ITSN2: variants seen among roughly 807,000 people sequenced by gnomAD.
ITSN2 encodes intersectin-2.
ITSN2 carries 156 observed loss-of-function variants against 243.7 expected under a neutral mutation model. The observed-to-expected ratio is 0.64, with a 90% CI of 0.56 to 0.73. The LOEUF is 0.73. ITSN2 is among the 30% of genes least tolerant of loss of function. The pLI is 0.00. For synonymous variants in ITSN2, 703 were observed against 699.9 expected (o/e 1.00, Z -0.07); for missense variants, 1,801 against 1,996.1 (o/e 0.90, Z 1.86).
chr2:24,295,756 T>C lies in ITSN2; in HGVS notation c.1543A>G (p.Lys515Glu). 6.4e-7 allele frequency: 1 copy of C among 1,567,284 alleles called. No homozygotes were observed. Among genetic ancestry groups the C allele is most frequent in the Non-Finnish European group, 8.6e-7 (1 of 1,162,370 alleles). Residue 515 changes from lysine (K) to glutamate (E), a missense_variant, in exon 14 of 40, where the codon AAA becomes GAA. Lys to Glu is a moderately conservative substitution (Grantham distance 56). Transcript: ENST00000355123. ...ISGRLQDVRLKKQTQKTELEV... is the reference protein window; with the variant it reads ...ISGRLQDVRLEKQTQKTELEV... ...AGCTCAGTCTTTTGAGTTTGCTTTT[T>C]GAGTCGGACATCCTGAAGTCTGCCT...
chr2:24,360,811 A>T (rs1190041830), upstream of ITSN2: 2 of 152,494 alleles, frequency 1.3e-5, no homozygotes, highest in Non-Finnish European at 2.9e-5. Flanking sequence ...CCGAGGTAAC[A>T]TGCTGAGCTT....
chr2:24,287,872 G>T (rs542995522), intron 15 of ITSN2, among the ~76,000 whole-genome samples: 1 of 152,098 alleles, frequency 6.6e-6, no homozygotes, highest in South Asian at 2.1e-4. Flanking sequence ...CAGGTCCTTT[G>T]CCCATTTTGA....
chr2:24,291,501 T>A (rs1422770347), intron 15 of ITSN2, among the ~76,000 whole-genome samples: 2 of 150,564 alleles, frequency 1.3e-5, no homozygotes, highest in Admixed American at 6.6e-5. Context: ...TTTTTTTTTT[T>A]TTTTTTTGAG....
chr2:24,284,825 A>T lies in ITSN2; in HGVS notation c.1882T>A (p.Ser628Thr). The T allele has an allele frequency of 6.2e-7, 1 of 1,602,868 alleles. No individual in the cohort carries two copies. Among genetic ancestry groups the T allele is most frequent in the Non-Finnish European group, 8.5e-7 (1 of 1,170,254 alleles). ...NQLKCGNMDD[S>T]VLQCLLSLLS... ...AGAGACAAAAGGCACTGAAGAACAG[A>T]GTCATCCATATTCCCACACTGTAAG... Residue 628 changes from serine to threonine, a missense_variant, in exon 17 of 40, where the codon TCT (serine) becomes ACT (threonine). Coordinates refer to ENST00000355123, the MANE Select transcript of ITSN2 (RefSeq NM_006277.3).
intron 16 of ITSN2, 41 bp from the exon 17 acceptor site, chr2:24,284,884 C>T (rs770188117): frequency 3.9e-6 from 3 of 761,796 alleles, no homozygotes; most frequent in South Asian, 3.2e-5. Context: ...AAACTACGTA[C>T]AGAATTTTTT....
intron 29 of ITSN2, chr2:24,239,269 C>A (rs765283735): frequency 6.6e-6 from 1 of 152,388 alleles, no homozygotes; most frequent in Admixed American, 6.6e-5. Context: ...AAGCTTTGGA[C>A]TGGAATTGGT....
At chr2:24,263,153 A>G (rs921900091) in intron 20 of ITSN2, among the ~76,000 whole-genome samples, 2 of 152,212 alleles carry the variant, frequency 1.3e-5, no homozygotes, top group African/African-American at 4.8e-5. Context: ...TAGCTAATAC[A>G]TAAGTATATG....
chr2:24,290,773 T>C (rs1680147894), intron 15 of ITSN2, among the ~76,000 whole-genome samples: 1 of 152,204 alleles, frequency 6.6e-6, no homozygotes, highest in Non-Finnish European at 1.5e-5. Flanking sequence ...TACGTTGCCA[T>C]ACATGCATGG....
chr2:24,255,850 G>C (rs1184225713), intron 23 of ITSN2, among the ~76,000 whole-genome samples: 2 of 152,196 alleles, frequency 1.3e-5, no homozygotes, highest in Non-Finnish European at 2.9e-5. Context: ...GGGAGTTTGA[G>C]ACCAGCCTGA....
chr2:24,242,793 A>G (rs140190314), intron 29 of ITSN2, among the ~76,000 whole-genome samples: 202 of 152,306 alleles, frequency 1.3e-3, no homozygotes, highest in African/African-American at 4.8e-3. Flanking sequence ...CTTTTATTCC[A>G]GGATAGATGA....
At chr2:24,323,710 C>A (rs1684839033) in intron 2 of ITSN2, among the ~76,000 whole-genome samples, 1 of 152,116 alleles carries the variant, frequency 6.6e-6, no homozygotes, top group South Asian at 2.1e-4. Flanking sequence ...CCCCAATAAA[C>A]CCAACTTTAA....
intron 31 of ITSN2, 152 bp from the exon 32 acceptor site, chr2:24,216,384 A>G (rs975093893): frequency 1.0e-5 from 6 of 575,982 alleles, no homozygotes; most frequent in African/African-American, 1.9e-5. Context: ...AAGAGGAGAT[A>G]GCTTGGGCCA....
chr2:24,269,575 G>A lies in ITSN2; in HGVS notation c.2355+1096C>T, dbSNP rs944601766. Among the ~76,000 whole-genome samples the A allele has an allele frequency of 2.0e-5, 3 of 152,248 alleles. 1 individual carries two copies. Among genetic ancestry groups the A allele is most frequent in the Admixed American group, 2.0e-4 (3 of 15,292 alleles). On this transcript the variant is annotated intron_variant, in intron 20 of 39. Coordinates refer to ENST00000355123, the MANE Select transcript of ITSN2 (RefSeq NM_006277.3). ...CTCTCTGACCATGGGAGAGGTCTGT[G>A]CTAAAGCTGGTAGCAGTCTACAACC...
At chr2:24,277,701 T>G (rs1296595224) in intron 17 of ITSN2, among the ~76,000 whole-genome samples, 1 of 152,212 alleles carries the variant, frequency 6.6e-6, no homozygotes, top group Non-Finnish European at 1.5e-5. Flanking sequence ...TATAGTTTCC[T>G]CATCAGTAAA....
At chr2:24,265,955 C>T (rs1676607748) in intron 20 of ITSN2, among the ~76,000 whole-genome samples, 1 of 152,136 alleles carries the variant, frequency 6.6e-6, no homozygotes, top group Non-Finnish European at 1.5e-5. Flanking sequence ...ATAATGAATG[C>T]TATCTTGTGT....
At chr2:24,275,883 A>C in intron 17 of ITSN2, 34 bp from the exon 18 acceptor site, 1 of 1,516,650 alleles carries the variant, frequency 6.6e-7, no homozygotes. Flanking sequence ...CAATACGTGA[A>C]TGATTTAAAT....
intron 23 of ITSN2, among the ~76,000 whole-genome samples, chr2:24,256,100 T>C (rs1336812271): frequency 6.6e-6 from 1 of 150,866 alleles, no homozygotes; most frequent in Non-Finnish European, 1.5e-5. Context: ...GGTGGATGCC[T>C]GTAATCCCAG....
In ITSN2 at chr2:24,209,954, C is replaced by T; in HGVS notation, c.4337G>A (p.Ser1446Asn). The change falls in exon 35 of 40, where the codon AGC (serine) becomes AAC (asparagine). Residue 1446 changes from serine to asparagine, a missense_variant. Coordinates refer to ENST00000355123, the MANE Select transcript of ITSN2 (RefSeq NM_006277.3). ...GAGGAATCCGTGCAGTTCCTTGTTG[C>T]TCTTGGTCTTGTATAATTTCCCACT... Reference protein sequence around the residue: ...LHSGKLYKTKSNKELHGFLFN... With the variant: ...LHSGKLYKTKNNKELHGFLFN... The T allele has an allele frequency of 1.2e-6, 2 of 1,614,174 alleles. No individual in the cohort carries two copies. The highest frequency in any genetic ancestry group is 8.5e-7 in the Non-Finnish European group (1 of 1,179,998).
intron 1 of ITSN2, among the ~76,000 whole-genome samples, chr2:24,345,870 G>A (rs776983570): frequency 6.6e-6 from 1 of 152,022 alleles, no homozygotes; most frequent in Non-Finnish European, 1.5e-5. Context: ...TGAGTGTCTT[G>A]TCATACAAAG....
Sources: gnomAD v4.1 joint callset for allele counts (sites outside exome capture counted in the v4.1 genomes callset) on GRCh38, gnomAD v4.1.1 for gene constraint, MANE v1.5 for transcripts, NCBI Gene and HGNC (gene_info 2026-07-23, HGNC 2026-07-21) for gene names.